Variants in ZMIZ1 observed in about 807,000 individuals in gnomAD.
The protein encoded by ZMIZ1 is zinc finger MIZ-type containing 1, also known as zinc finger MIZ domain-containing protein 1.
ZMIZ1 carries 17 observed loss-of-function variants against 113.9 expected under a neutral mutation model. The observed-to-expected ratio is 0.15, with a 90% CI of 0.10 to 0.22. The LOEUF is 0.22. Ranked by LOEUF, ZMIZ1 falls within the 10% of genes least tolerant of loss-of-function variation. The pLI is 1.00. For missense variants in ZMIZ1, 1,059 were observed against 1,477.8 expected (o/e 0.72, Z 4.65); for synonymous variants, 607 against 603.1 (o/e 1.01, Z -0.09).
intron 1 of ZMIZ1, among the ~76,000 whole-genome samples, chr10:79,085,293 G>C (rs1842773855): frequency 6.6e-6 from 1 of 152,190 alleles, no homozygotes; most frequent in Non-Finnish European, 1.5e-5. Flanking sequence ...TGGGGGCTCA[G>C]CACCAGTCAC....
rs1854251252 is a variant in ZMIZ1, at chr10:79,300,847, G to A, written c.1924G>A (p.Gly642Ser). 5.0e-6 allele frequency: 8 copies of A among 1,613,672 alleles called. No homozygotes were observed. Among genetic ancestry groups the A allele is most frequent in the South Asian group, 1.1e-5 (1 of 91,078 alleles). Residue 642 changes from glycine (G) to serine (S), a missense_variant, in exon 17 of 25, where the codon GGC becomes AGC. Physicochemically the swap from Gly to Ser is moderately conservative, Grantham distance 56. Transcript: ENST00000334512. Reference sequence around the variant, plus strand: ...CGCCACGCCCCTCACCATTGAGCGCGGCGACAACAAGACCTCCCACAAGCC... The same window carrying A: ...CGCCACGCCCCTCACCATTGAGCGCAGCGACAACAAGACCTCCCACAAGCC... The part of the protein sequence containing the change: ...VNATPLTIER[G>S]DNKTSHKPLH...
chr10:79,202,294 AT>A (rs1848133148), intron 5 of ZMIZ1, among the ~76,000 whole-genome samples: 1 of 151,488 alleles, frequency 6.6e-6, no homozygotes, highest in Admixed American at 6.6e-5. Context: ...ATATTTACTA[AT>A]TTATTTAAAA....
At chr10:79,166,000 GT>G (rs1846327495) in intron 4 of ZMIZ1, among the ~76,000 whole-genome samples, 464 of 115,724 alleles carry the variant, frequency 4.0e-3, no homozygotes, top group Non-Finnish European at 6.4e-3. Context: ...GTGTGTGTGT[GT>G]GGGCTCTCCC....
At chr10:79,187,770 G>T (rs1847408550) in intron 4 of ZMIZ1, among the ~76,000 whole-genome samples, 1 of 152,214 alleles carries the variant, frequency 6.6e-6, no homozygotes, top group African/African-American at 2.4e-5. Context: ...AGCACAGGCG[G>T]TGCAGAGCTG....
At chr10:79,090,862 T>G (rs1260488056) in intron 1 of ZMIZ1, among the ~76,000 whole-genome samples, 1 of 152,234 alleles carries the variant, frequency 6.6e-6, no homozygotes. Context: ...TTTGACAGCC[T>G]TAGGTCTTGC....
intron 2 of ZMIZ1, among the ~76,000 whole-genome samples, chr10:79,134,340 CAG>C (rs1189556591): frequency 6.6e-6 from 1 of 152,246 alleles, no homozygotes; most frequent in African/African-American, 2.4e-5. Flanking sequence ...TGACCAGGGA[CAG>C]AGTCAGACTG....
chr10:79,297,993 G>A (rs557511903), intron 14 of ZMIZ1, among the ~76,000 whole-genome samples: 3 of 152,294 alleles, frequency 2.0e-5, no homozygotes, highest in Non-Finnish European at 4.4e-5. Flanking sequence ...GACCCTGATG[G>A]GGTAGGCATA....
rs938588246 is a variant in ZMIZ1, at chr10:79,193,632, A to G, written c.-49-7952A>G. 3.6e-4 allele frequency among the ~76,000 whole-genome samples: 55 copies of G among 152,330 alleles called. No homozygotes were observed. In the Middle Eastern group the frequency reaches 0.01, roughly 28 times the overall value. ...TCCAGCTGATGGAGAGACAGTTGCA[A>G]GGAGTCAGCCCTCATCTAGTGCTGC... On this transcript the variant is annotated intron_variant, in intron 4 of 24. Transcript: ENST00000334512.
intron 6 of ZMIZ1, among the ~76,000 whole-genome samples, chr10:79,210,930 A>G (rs763083580): frequency 6.6e-6 from 1 of 152,118 alleles, no homozygotes; most frequent in Non-Finnish European, 1.5e-5. Context: ...AGAGGAATCC[A>G]TGGCAGGAGA....
intron 15 of ZMIZ1, 42 bp downstream of exon 15, chr10:79,298,622 C>T (rs1285418572): frequency 1.3e-6 from 2 of 1,542,914 alleles, no homozygotes; most frequent in Non-Finnish European, 8.8e-7. Context: ...CCACCTGGGC[C>T]CCCCAGTGGG....
At chr10:79,218,584 G>GGTGTGTGTGTGTGTGTGTGTGTGT (rs55736085) in intron 7 of ZMIZ1, among the ~76,000 whole-genome samples, 128 of 147,890 alleles carry the variant, frequency 8.7e-4, no homozygotes, top group African/African-American at 3.2e-3. Context: ...TAATTAGAGG[G>GGTGTGTGTGTGTGTGTGTGTGTGT]GTGTGTGTGT....
intron 1 of ZMIZ1, among the ~76,000 whole-genome samples, chr10:79,104,938 T>C (rs948365442): frequency 4.0e-5 from 6 of 148,382 alleles, no homozygotes; most frequent in African/African-American, 1.5e-4. Flanking sequence ...TGTTGTTGGG[T>C]TGTTGTTGTG....
chr10:79,162,013 T>C, intron 3 of ZMIZ1, 40 bp from the exon 4 acceptor site: 1 of 399,106 alleles, frequency 2.5e-6, no homozygotes, highest in Non-Finnish European at 4.4e-6. Context: ...GCCGGGCCTC[T>C]ACTGTGGGTA....
intron 1 of ZMIZ1, among the ~76,000 whole-genome samples, chr10:79,100,280 C>T (rs1198006109): frequency 6.6e-6 from 1 of 151,832 alleles, no homozygotes; most frequent in South Asian, 2.1e-4. Flanking sequence ...GTGCTTCAGC[C>T]CAAAGGATGA....
rs1377885915 is a variant in ZMIZ1, at chr10:79,216,051, G to T, written c.175-118G>T. ...GAAGGCACAGTGGACTTCTGGCTCT[G>T]CCTAATGATGGGGCACTGCCTTAGC... On this transcript the variant is annotated intron_variant, in intron 6 of 24. Coordinates refer to ENST00000334512, the MANE Select transcript of ZMIZ1 (RefSeq NM_020338.4). 4 of 560,050 alleles carry T rather than the reference G, an allele frequency of 7.1e-6. No individual in the cohort carries two copies. The East Asian group carries it at 1.0e-4, about 14-fold the overall frequency. The allele number at this position is 560,050 out of a possible 1,614,324, so 34.7% of individuals were successfully genotyped here.
At position 79,296,175 on chromosome 10, in the gene ZMIZ1, C is replaced by G. The variant is rs773546480; in HGVS notation, c.1231-296C>G. 15 of 443,794 alleles carry G rather than the reference C, an allele frequency of 3.4e-5. No homozygotes were observed. The highest frequency in any genetic ancestry group is 1.0e-4 in the African/African-American group (5 of 48,622). 27.5% of individuals were successfully genotyped at this position (443,794 alleles called of 1,614,324 possible). The stretch of plus-strand genomic sequence containing the variant: ...ACACAAAGGTCGGGGGAGTTAGAAT[C>G]AGGCCCCTCATAATGGTGTGAGCAA... On this transcript the variant is annotated intron_variant, in intron 12 of 24. Transcript: ENST00000334512. The surrounding 1 kb of genome is among the most constrained non-coding windows in gnomAD (Gnocchi z 4.1).
At chr10:79,149,915 G>T (rs765224608) in intron 3 of ZMIZ1, among the ~76,000 whole-genome samples, 8 of 152,218 alleles carry the variant, frequency 5.3e-5, no homozygotes, top group Non-Finnish European at 1.2e-4. Context: ...TTTTGTCGAG[G>T]CCTCACACTG....
intron 8 of ZMIZ1, among the ~76,000 whole-genome samples, chr10:79,284,780 G>A (rs1852957023): frequency 1.3e-5 from 2 of 152,168 alleles, no homozygotes; most frequent in Admixed American, 1.3e-4. Flanking sequence ...GCCCACATAG[G>A]GAACCTCTCT....
chr10:79,171,137 C>T (rs1231013763), intron 4 of ZMIZ1, among the ~76,000 whole-genome samples: 1 of 152,218 alleles, frequency 6.6e-6, no homozygotes, highest in African/African-American at 2.4e-5. Flanking sequence ...AATGAAAAGG[C>T]TCTCACACTC....
Sources: allele counts gnomAD v4.1 joint callset (sites outside exome capture counted in the v4.1 genomes callset), GRCh38; gene constraint gnomAD v4.1.1; non-coding constraint Gnocchi (gnomAD v3.1); transcripts MANE v1.5; gene names NCBI Gene and HGNC (gene_info 2026-07-23, HGNC 2026-07-21).